PCDHGA9: variants seen among roughly 807,000 people sequenced by gnomAD.
PCDHGA9 encodes protocadherin gamma subfamily A, 9.
PCDHGA9 carries 37 observed loss-of-function variants against 62.5 expected under a neutral mutation model. The observed-to-expected ratio is 0.59, with a 90% CI of 0.46 to 0.78. The LOEUF (loss-of-function observed/expected upper bound fraction) is 0.78, where lower values mean the gene tolerates loss of function less well. Among genes scored for constraint, PCDHGA9 ranks in the 30% least tolerant of loss-of-function variants. The probability of loss-of-function intolerance (pLI) is 0.00; values close to 1 mark genes in which losing one functional copy is unlikely to be tolerated. For missense variants in PCDHGA9, 1,138 were observed against 1,166.2 expected (o/e 0.98, Z 0.35); for synonymous variants, 459 against 484.6 (o/e 0.95, Z 0.69).
intron 1 of PCDHGA9, chr5:141,421,220 A>T (rs1178268746): frequency 6.3e-7 from 1 of 1,575,620 alleles, no homozygotes; most frequent in East Asian, 2.3e-5. Context: ...ATCGGCTTAG[A>T]GCCTGCCATG....
intron 1 of PCDHGA9, among the ~76,000 whole-genome samples, chr5:141,447,863 A>G (rs553375129): frequency 6.6e-6 from 1 of 152,254 alleles, no homozygotes; most frequent in East Asian, 1.9e-4. Flanking sequence ...AGGTGGGTGA[A>G]TCATCTGAGG....
chr5:141,427,504 C>A (rs755936092), intron 1 of PCDHGA9: 8 of 579,302 alleles, frequency 1.4e-5, no homozygotes, highest in Middle Eastern at 2.7e-4. Context: ...ACAGATGGGA[C>A]CCTGGATTGG....
intron 1 of PCDHGA9, among the ~76,000 whole-genome samples, chr5:141,492,108 C>T (rs1331001233): frequency 2.6e-5 from 4 of 152,232 alleles, no homozygotes; most frequent in African/African-American, 9.6e-5. Flanking sequence ...TAGATTTCCT[C>T]TTCGATTTCT....
chr5:141,477,427 C>T lies in PCDHGA9; in HGVS notation c.2425-17380C>T. On this transcript the variant is annotated intron_variant, in intron 1 of 3. Coordinates refer to ENST00000573521, the MANE Select transcript of PCDHGA9 (RefSeq NM_018921.3). The surrounding 1 kb of genome is among the most constrained non-coding windows in gnomAD (Gnocchi z 4.9). ...CCCGAGACGCCGGAACCCCTTCCCT[C>T]TCAGCCCTTACAATAGTGCGTGTTC... The T allele has an allele frequency of 6.2e-7, 1 of 1,614,220 alleles. No homozygotes were observed. The highest frequency in any genetic ancestry group is 8.5e-7 in the Non-Finnish European group (1 of 1,180,046).
Position 141,431,072 on chromosome 5 carries a change from A to G in PCDHGA9, c.2424+25696A>G. On this transcript the variant is annotated intron_variant, in intron 1 of 3. Transcript: ENST00000573521. The surrounding 1 kb of genome is among the most constrained non-coding windows in gnomAD (Gnocchi z 4.8). ...TATGGGGGCCATCAAGTGTCAATTA[A>G]ATCTAGACATTCTGATGGAGGATAA... is the stretch of plus-strand genomic sequence containing the variant. 1 of 1,614,220 alleles carries G rather than the reference A, an allele frequency of 6.2e-7. No individual in the cohort carries two copies. Among genetic ancestry groups the G allele is most frequent in the Non-Finnish European group, 8.5e-7 (1 of 1,180,012 alleles).
In PCDHGA9 at chr5:141,491,727, G is replaced by C; in HGVS notation, c.2425-3080G>C. On this transcript the variant is annotated intron_variant, in intron 1 of 3. Transcript: ENST00000573521. This position sits in a 1 kb window ranked among gnomAD's most constrained non-coding sequence, Gnocchi z 6.9. ...TGAGGGGCTCGGCGCCGCCCCGGGC[G>C]ACCCCTGGGGGCGGCACTGGAGAAG... 6.2e-7 allele frequency: 1 copy of C among 1,604,916 alleles called. No individual in the cohort carries two copies. The highest frequency in any genetic ancestry group is 8.5e-7 in the Non-Finnish European group (1 of 1,176,284).
intron 1 of PCDHGA9, among the ~76,000 whole-genome samples, chr5:141,444,152 ATTTTTTTTTTTTTTTTTTTTT>A (rs747671382): frequency 8.9e-5 from 3 of 33,882 alleles, no homozygotes; most frequent in Admixed American, 3.9e-4. Context: ...TGTGTACTGG[ATTTTTTTTTTTTTTTTTTTTT>A]TTTTTTTTTT....
Position 141,485,256 on chromosome 5 carries a change from G to A in PCDHGA9, c.2425-9551G>A, listed in dbSNP as rs770176450. The A allele has an allele frequency of 6.2e-7, 1 of 1,614,186 alleles. No homozygotes were observed. Among genetic ancestry groups the A allele is most frequent in the Non-Finnish European group, 8.5e-7 (1 of 1,179,996 alleles). On this transcript the variant is annotated intron_variant, in intron 1 of 3. Transcript: ENST00000573521. The surrounding 1 kb of genome is among the most constrained non-coding windows in gnomAD (Gnocchi z 5.7). ...CTCTTTTACCACCTGGGTTACGTTTGTGGGCAGATCCGCTACCCGGTCCCA... is the reference window on the plus strand; with the variant it reads ...CTCTTTTACCACCTGGGTTACGTTTATGGGCAGATCCGCTACCCGGTCCCA...
At position 141,489,378 on chromosome 5, in the gene PCDHGA9, G is replaced by A. The variant is rs1562129701; in HGVS notation, c.2425-5429G>A. ...AGTCTGAGCCGGGGACGCTGGTGGGGAATGTTGCTCAGGATCTGGGCTTAA... is the reference window on the plus strand; with the variant it reads ...AGTCTGAGCCGGGGACGCTGGTGGGAAATGTTGCTCAGGATCTGGGCTTAA... On this transcript the variant is annotated intron_variant, in intron 1 of 3. Coordinates refer to ENST00000573521, the MANE Select transcript of PCDHGA9 (RefSeq NM_018921.3). The surrounding 1 kb of genome is among the most constrained non-coding windows in gnomAD (Gnocchi z 4.5). 1.2e-6 allele frequency: 2 copies of A among 1,613,908 alleles called. No homozygotes were observed. The highest frequency in any genetic ancestry group is 3.3e-5 in the Admixed American group (2 of 60,026).
Position 141,511,913 on chromosome 5 carries a change from A to G in PCDHGA9, c.*740A>G, listed in dbSNP as rs1190072814. On this transcript the variant is annotated 3_prime_UTR_variant, in exon 4 of 4. Coordinates refer to ENST00000573521, the MANE Select transcript of PCDHGA9 (RefSeq NM_018921.3). ...CCCCCACCTCCTCCTCAAACAAGAG[A>G]CTCCACTGCATGTTCCAAGACAGTA... is the stretch of plus-strand genomic sequence containing the variant. The G allele has an allele frequency of 6.4e-6, 1 of 156,050 alleles. No individual in the cohort carries two copies. The highest frequency in any genetic ancestry group is 2.4e-5 in the African/African-American group (1 of 41,402). The allele number at this position is 156,050 out of a possible 1,614,324, so 9.7% of individuals were successfully genotyped here.
In PCDHGA9 at chr5:141,491,463, C is replaced by CT. The variant is rs765984397; in HGVS notation, c.2425-3343dup. The CT allele has an allele frequency of 6.2e-7, 1 of 1,614,112 alleles. No homozygotes were observed. Among genetic ancestry groups the CT allele is most frequent in the Non-Finnish European group, 8.5e-7 (1 of 1,180,010 alleles). ...GCCAGGACTCACCCTCCCCGGACTT[C>CT]TATAAGCAGTCCAGCCCCAACCTGC... On this transcript the variant is annotated intron_variant, in intron 1 of 3. Coordinates refer to ENST00000573521, the MANE Select transcript of PCDHGA9 (RefSeq NM_018921.3). This position sits in a 1 kb window ranked among gnomAD's most constrained non-coding sequence, Gnocchi z 6.9.
chr5:141,500,986 A>G (rs1223940696), intron 2 of PCDHGA9, among the ~76,000 whole-genome samples: 1 of 151,656 alleles, frequency 6.6e-6, no homozygotes, highest in East Asian at 1.9e-4. Flanking sequence ...CTCCTGCCTC[A>G]GCCTCCTGAG....
At chr5:141,443,665 AACT>A (rs2154560310) in intron 1 of PCDHGA9, among the ~76,000 whole-genome samples, 1 of 152,358 alleles carries the variant, frequency 6.6e-6, no homozygotes, top group African/African-American at 2.4e-5. Context: ...CATTTTACTG[AACT>A]AGTAGTTTAC....
intron 1 of PCDHGA9, chr5:141,423,492 C>T (rs2154550191): frequency 1.2e-6 from 2 of 1,613,972 alleles, no homozygotes; most frequent in East Asian, 4.5e-5. Context: ...AAACCTATTC[C>T]CACGAGGTCT....
rs13436338 is a variant in PCDHGA9, at chr5:141,468,261, G to A, written c.2425-26546G>A. On this transcript the variant is annotated intron_variant, in intron 1 of 3. Coordinates refer to ENST00000573521, the MANE Select transcript of PCDHGA9 (RefSeq NM_018921.3). ...AATTGCCTGAACCTGGGAGGCAGAG[G>A]TTGTGGTGAGCCGAGACCACGCCAT... Among the ~76,000 whole-genome samples, 391 of 149,216 alleles carry A rather than the reference G, an allele frequency of 2.6e-3. 2 individuals are homozygous for A. Among genetic ancestry groups the A allele is most frequent in the African/African-American group, 9.3e-3 (377 of 40,498 alleles).
At chr5:141,496,268 G>T (rs1237681971) in intron 2 of PCDHGA9, among the ~76,000 whole-genome samples, 1 of 152,208 alleles carries the variant, frequency 6.6e-6, no homozygotes, top group Non-Finnish European at 1.5e-5. Flanking sequence ...TCAGCAGAAA[G>T]ACCTTCAGTT....
At chr5:141,461,388 A>T (rs1025976806) in intron 1 of PCDHGA9, among the ~76,000 whole-genome samples, 5 of 152,164 alleles carry the variant, frequency 3.3e-5, no homozygotes, top group Admixed American at 6.5e-5. Context: ...CCTGATGATT[A>T]GCGATGTTGA....
chr5:141,403,044 T>C lies in PCDHGA9; in HGVS notation c.92T>C (p.Ile31Thr), dbSNP rs914251787. 7 of 1,613,960 alleles carry C rather than the reference T, an allele frequency of 4.3e-6. No individual in the cohort carries two copies. The Admixed American group carries it at 8.3e-5, about 19-fold the overall frequency. ...CTATGGGAGGCCAGGGCCAGTCAGA[T>C]TCGCTACTCAGTGCCTGAAGAGACA... is the stretch of plus-strand genomic sequence containing the variant. ...GMLWEARASQ[I>T]RYSVPEETEK... Residue 31 changes from isoleucine (I) to threonine (T), a missense_variant, in exon 1 of 4, where the codon ATT becomes ACT. Transcript: ENST00000573521.
chr5:141,408,738 C>T, intron 1 of PCDHGA9: 2 of 1,609,632 alleles, frequency 1.2e-6, no homozygotes, highest in Non-Finnish European at 1.7e-6. Flanking sequence ...CCTTATTTTT[C>T]ATTAATGGTT....
Sources: gnomAD v4.1 joint callset for allele counts (sites outside exome capture counted in the v4.1 genomes callset) on GRCh38, gnomAD v4.1.1 for gene constraint, Gnocchi (gnomAD v3.1) non-coding constraint, MANE v1.5 for transcripts, NCBI Gene and HGNC (gene_info 2026-07-23, HGNC 2026-07-21) for gene names.